The following NMNAT2 variants were observed in gnomAD, a reference collection of about 807,000 sequenced individuals.
NMNAT2 encodes the protein nicotinamide/nicotinic acid mononucleotide adenylyltransferase 2.
In NMNAT2, 11 loss-of-function variants were observed where a neutral mutation model predicts 41.6. The observed-to-expected ratio is 0.26, with a 90% confidence interval of 0.17 to 0.44. The LOEUF (loss-of-function observed/expected upper bound fraction) is 0.44, where lower values mean the gene tolerates loss of function less well. NMNAT2 is among the 20% of genes least tolerant of loss of function. The pLI, the probability that NMNAT2 is intolerant of heterozygous loss-of-function variation, is 1.00. For missense variants in NMNAT2, 288 were observed against 407.7 expected, an observed-to-expected ratio of 0.71 and a Z score of 2.53; for synonymous variants, 148 against 151.2, an observed-to-expected ratio of 0.98 and a Z score of 0.16.
intron 1 of NMNAT2, among the ~76,000 whole-genome samples, chr1:183,388,757 TA>T (rs1266904157): frequency 2.0e-5 from 3 of 152,242 alleles, no homozygotes; most frequent in African/African-American, 7.2e-5. Context: ...CCCCCAGCTA[TA>T]AACTACATAA....
At chr1:183,252,879 G>T in intron 10 of NMNAT2, 136 bp from the exon 11 acceptor site, 1 of 623,030 alleles carries the variant, frequency 1.6e-6, no homozygotes, top group Non-Finnish European at 2.9e-6. Flanking sequence ...ATTAGGAAAG[G>T]CCCTCTTGCC....
At chr1:183,310,029 C>T (rs986485645) in intron 1 of NMNAT2, among the ~76,000 whole-genome samples, 2 of 152,146 alleles carry the variant, frequency 1.3e-5, no homozygotes, top group African/African-American at 2.4e-5. Context: ...CATGGAAATT[C>T]GCTTTGAGCA....
intron 1 of NMNAT2, among the ~76,000 whole-genome samples, chr1:183,318,230 T>C (rs1662293699): frequency 6.6e-6 from 1 of 152,230 alleles, no homozygotes; most frequent in South Asian, 2.1e-4. Flanking sequence ...GCCTGAGCCC[T>C]GGATCCTAAG....
chr1:183,394,150 A>T (rs1178045164), intron 1 of NMNAT2, among the ~76,000 whole-genome samples: 1 of 152,196 alleles, frequency 6.6e-6, no homozygotes, highest in Non-Finnish European at 1.5e-5. Flanking sequence ...CAAATTTTCA[A>T]CTGGTAACAG....
intron 8 of NMNAT2, among the ~76,000 whole-genome samples, chr1:183,277,103 A>G (rs1426814296): frequency 2.6e-5 from 4 of 152,200 alleles, no homozygotes; most frequent in Admixed American, 2.6e-4. Flanking sequence ...CACTTTCAAA[A>G]CAATACCATT....
intron 1 of NMNAT2, among the ~76,000 whole-genome samples, chr1:183,382,322 TG>T (rs1296227957): frequency 1.4e-5 from 2 of 143,578 alleles, no homozygotes; most frequent in African/African-American, 5.1e-5. Context: ...CCTCCAACAC[TG>T]GGGGTTACAA....
intron 1 of NMNAT2, among the ~76,000 whole-genome samples, chr1:183,406,450 T>C (rs1648956285): frequency 6.6e-6 from 1 of 152,158 alleles, no homozygotes; most frequent in African/African-American, 2.4e-5. Context: ...GTCAGCTCGA[T>C]AGAAAGGACA....
At chr1:183,339,288 G>A (rs1662744546) in intron 1 of NMNAT2, among the ~76,000 whole-genome samples, 1 of 151,884 alleles carries the variant, frequency 6.6e-6, no homozygotes, top group Admixed American at 6.6e-5. Context: ...TAGTAGAGAC[G>A]GGGTTTCACT....
chr1:183,315,449 GTTGTGTGTGTGCGC>G (rs2102326748), intron 1 of NMNAT2, among the ~76,000 whole-genome samples: 1 of 151,166 alleles, frequency 6.6e-6, no homozygotes, highest in East Asian at 1.9e-4. Context: ...CAGAGGTCAA[GTTGTGTGTGTGCGC>G]TTGTGTGTGT....
At chr1:183,284,898 A>G in intron 5 of NMNAT2, 108 bp from the exon 6 acceptor site, 1 of 858,394 alleles carries the variant, frequency 1.2e-6, no homozygotes, top group Non-Finnish European at 2.0e-6. Context: ...GGGTGCATGG[A>G]CGGGGCAGGA....
At chr1:183,282,053 C>T (rs1042626105) in intron 7 of NMNAT2, among the ~76,000 whole-genome samples, 43 of 152,242 alleles carry the variant, frequency 2.8e-4, no homozygotes, top group African/African-American at 1.0e-3. Context: ...GTTTCCACTG[C>T]ATGCAGCCAC....
chr1:183,369,231 G>A (rs1462523659), intron 1 of NMNAT2, among the ~76,000 whole-genome samples: 1 of 151,060 alleles, frequency 6.6e-6, no homozygotes, highest in Admixed American at 6.6e-5. Context: ...AATCCTTTGA[G>A]GAAGGTATTC....
intron 1 of NMNAT2, among the ~76,000 whole-genome samples, chr1:183,354,098 C>T (rs755920778): frequency 1.9e-3 from 290 of 152,276 alleles, no homozygotes; most frequent in Non-Finnish European, 3.3e-3. Flanking sequence ...TTTTTCCCCA[C>T]CATGTTTGTC....
chr1:183,355,369 A>C (rs1663161727), intron 1 of NMNAT2, among the ~76,000 whole-genome samples: 1 of 152,182 alleles, frequency 6.6e-6, no homozygotes, highest in Admixed American at 6.5e-5. Context: ...CAGCACCTAG[A>C]AGCTCCTTAG....
chr1:183,255,255 A>G (rs6673019), intron 10 of NMNAT2, among the ~76,000 whole-genome samples: 2 of 152,178 alleles, frequency 1.3e-5, no homozygotes, highest in Non-Finnish European at 2.9e-5. Context: ...TGGGCTCACT[A>G]TTCGGTTCCA....
At chr1:183,266,398 C>T (rs186730198) in intron 8 of NMNAT2, among the ~76,000 whole-genome samples, 69 of 152,242 alleles carry the variant, frequency 4.5e-4, no homozygotes, top group Admixed American at 4.5e-3. Flanking sequence ...GTCTGGCCAC[C>T]CTAATTAAAC....
At chr1:183,293,560 C>G (rs974783191) in intron 2 of NMNAT2, 145 bp downstream of exon 2, 1 of 650,766 alleles carries the variant, frequency 1.5e-6, no homozygotes, top group South Asian at 1.8e-5. Flanking sequence ...AGATGGGAAG[C>G]AGGATAGACG....
intron 1 of NMNAT2, among the ~76,000 whole-genome samples, chr1:183,300,116 C>T (rs966856082): frequency 6.6e-6 from 1 of 151,980 alleles, no homozygotes; most frequent in African/African-American, 2.4e-5. Context: ...TAGAAGGCAC[C>T]ATTTAGGCTG....
chr1:183,279,561 G>A (rs1410655529), intron 7 of NMNAT2, among the ~76,000 whole-genome samples: 1 of 152,182 alleles, frequency 6.6e-6, no homozygotes, highest in East Asian at 1.9e-4. Flanking sequence ...GGGCCCTGAG[G>A]CCCAGGCGAG....
Sources: gnomAD v4.1 joint callset for allele counts (sites outside exome capture counted in the v4.1 genomes callset) on GRCh38, gnomAD v4.1.1 for gene constraint, MANE v1.5 for transcripts, NCBI Gene and HGNC (gene_info 2026-07-23, HGNC 2026-07-21) for gene names.